The following ARID1B variants were observed in gnomAD, a reference collection of about 807,000 sequenced individuals.
ARID1B encodes the protein AT-rich interactive domain-containing protein 1B.
Under a neutral mutation model 212.3 loss-of-function variants are expected in ARID1B, and 30 were observed. The observed-to-expected ratio is 0.14, with a 90% CI of 0.11 to 0.19. The LOEUF (loss-of-function observed/expected upper bound fraction) is 0.19. Ranked by LOEUF, ARID1B falls within the 10% of genes least tolerant of loss-of-function variation. ARID1B has a pLI of 1.00. For synonymous variants in ARID1B, 1,402 were observed against 1,301.7 expected (o/e 1.08, Z -1.66); for missense variants, 2,891 against 3,204.0 (o/e 0.90, Z 2.36).
chr6:157,084,545 G>T, intron 4 of ARID1B, 117 bp from the exon 5 acceptor site: 1 of 1,314,754 alleles, frequency 7.6e-7, no homozygotes, highest in Middle Eastern at 2.2e-4. Context: ...TTTATTTTGG[G>T]TGTTACCCAG....
chr6:157,009,453 T>C (rs924080608), intron 4 of ARID1B, among the ~76,000 whole-genome samples: 1 of 152,194 alleles, frequency 6.6e-6, no homozygotes, highest in Middle Eastern at 3.2e-3. Flanking sequence ...GTGATAGTAC[T>C]GAATATGGAA....
Position 157,208,024 on chromosome 6 carries a change from A to G in ARID1B, c.*133A>G. The G allele has an allele frequency of 1.1e-6, 1 of 925,040 alleles. No individual in the cohort carries two copies. Among genetic ancestry groups the G allele is most frequent in the Non-Finnish European group, 1.5e-6 (1 of 674,638 alleles). The allele number at this position is 925,040 out of a possible 1,614,324, so 57.3% of individuals were successfully genotyped here. ...TGCTCCTCTGCCCCATTCACTATTT[A>G]CCAATTGGGAATTAAAGAAATAATT... On this transcript the variant is annotated 3_prime_UTR_variant, in exon 20 of 20. Transcript: ENST00000636930.
intron 9 of ARID1B, chr6:157,168,311 A>C (rs1052116756): frequency 1.3e-5 from 2 of 152,236 alleles, no homozygotes; most frequent in African/African-American, 4.8e-5. Flanking sequence ...AACTAGTGGT[A>C]AAAATGAAGG....
chr6:156,784,951 G>T (rs911983398), intron 1 of ARID1B, among the ~76,000 whole-genome samples: 4 of 152,074 alleles, frequency 2.6e-5, no homozygotes, highest in South Asian at 2.1e-4. Flanking sequence ...GTAGAGATGG[G>T]GTTTCGCCAT....
At chr6:156,803,147 G>C (rs999903132) in intron 1 of ARID1B, among the ~76,000 whole-genome samples, 1 of 151,920 alleles carries the variant, frequency 6.6e-6, no homozygotes, top group African/African-American at 2.4e-5. Flanking sequence ...TCCAAGCAAC[G>C]ATGTTTTCTT....
At chr6:157,122,496 A>G (rs1183057686) in intron 6 of ARID1B, among the ~76,000 whole-genome samples, 1 of 152,232 alleles carries the variant, frequency 6.6e-6, no homozygotes, top group Non-Finnish European at 1.5e-5. Flanking sequence ...CATTATCTAA[A>G]TTAACACCAT....
intron 7 of ARID1B, among the ~76,000 whole-genome samples, chr6:157,142,609 G>A (rs1332499144): frequency 1.3e-5 from 2 of 152,110 alleles, no homozygotes; most frequent in Non-Finnish European, 2.9e-5. Flanking sequence ...CTGGATGACA[G>A]AGCAAGACTC....
At chr6:157,090,009 A>G (rs17279589) in intron 5 of ARID1B, among the ~76,000 whole-genome samples, 28,175 of 152,184 alleles carry the variant, frequency 0.19, 2,938 homozygotes, top group Non-Finnish European at 0.25. Context: ...CCCCTAATGC[A>G]TGGTGGAAGC....
rs284415 is a variant in ARID1B at position 156,959,825 on chromosome 6, G to A, written c.2247+24249G>A. 9.3e-3 allele frequency among the ~76,000 whole-genome samples: 1,409 copies of A among 152,154 alleles called. 15 individuals are homozygous for A. The highest frequency in any genetic ancestry group is 0.017 in the South Asian group (83 of 4,814). ...TGCCTTTCGATCCGTGGTGGCAGGCGGGAGGTCTGCACACCAGGCTGCTCT... is the reference window on the plus strand; with the variant it reads ...TGCCTTTCGATCCGTGGTGGCAGGCAGGAGGTCTGCACACCAGGCTGCTCT... On this transcript the variant is annotated intron_variant, in intron 4 of 19. Transcript: ENST00000636930.
At chr6:157,062,705 TA>T (rs200431189) in intron 4 of ARID1B, among the ~76,000 whole-genome samples, 4,855 of 125,558 alleles carry the variant, frequency 0.039, 109 homozygotes, top group African/African-American at 0.076. Flanking sequence ...TATATATATA[TA>T]TTTTTTTTTT....
At chr6:157,151,529 T>G (rs1299945236) in intron 8 of ARID1B, 1 of 152,222 alleles carries the variant, frequency 6.6e-6, no homozygotes, top group Non-Finnish European at 1.5e-5. Flanking sequence ...AACACAGTGT[T>G]GCCATATTAT....
chr6:157,070,078 G>A (rs1279632913), intron 4 of ARID1B, among the ~76,000 whole-genome samples: 1 of 152,038 alleles, frequency 6.6e-6, no homozygotes, highest in African/African-American at 2.4e-5. Flanking sequence ...AGGAAATATG[G>A]CAAAATGTTA....
intron 6 of ARID1B, among the ~76,000 whole-genome samples, chr6:157,115,818 A>G (rs923593674): frequency 2.6e-5 from 4 of 152,208 alleles, no homozygotes; most frequent in Non-Finnish European, 5.9e-5. Flanking sequence ...AAAAACAGTA[A>G]AAACCTCAGT....
intron 5 of ARID1B, 39 bp from the exon 6 acceptor site, chr6:157,110,433 G>T (rs763061370): frequency 2.3e-5 from 37 of 1,585,032 alleles, no homozygotes; most frequent in Non-Finnish European, 2.6e-6. Context: ...TTAATGCAAA[G>T]GGTTCCCCCA....
In ARID1B at chr6:156,956,427, G is replaced by A. The variant is rs574213051; in HGVS notation, c.2247+20851G>A. On this transcript the variant is annotated intron_variant, in intron 4 of 19. Coordinates refer to ENST00000636930, the MANE Select transcript of ARID1B (RefSeq NM_001374828.1). Reference sequence around the variant, plus strand: ...ACTGGAAAAAAATTGCTTCAGACCAGTGCTGGTAGCAGTGGAGTGGCAGAT... The same window carrying A: ...ACTGGAAAAAAATTGCTTCAGACCAATGCTGGTAGCAGTGGAGTGGCAGAT... Among the ~76,000 whole-genome samples the A allele has an allele frequency of 9.2e-5, 14 of 152,270 alleles. No homozygotes were observed. The South Asian group carries it at 2.9e-3, about 32-fold the overall frequency.
intron 4 of ARID1B, among the ~76,000 whole-genome samples, chr6:157,008,107 T>A (rs1451509822): frequency 6.6e-6 from 1 of 152,118 alleles, no homozygotes; most frequent in East Asian, 1.9e-4. Flanking sequence ...TTACTTTCCC[T>A]CTCTTCCTCC....
At chr6:157,146,394 C>T (rs1473963202) in intron 7 of ARID1B, among the ~76,000 whole-genome samples, 1 of 152,182 alleles carries the variant, frequency 6.6e-6, no homozygotes, top group African/African-American at 2.4e-5. Context: ...TGCAGAGGCT[C>T]ACCCAGCTGC....
Position 157,060,573 on chromosome 6 carries a change from CAT to C in ARID1B, c.2248-24085_2248-24084del, listed in dbSNP as rs371685858. On this transcript the variant is annotated intron_variant, in intron 4 of 19. Coordinates refer to ENST00000636930, the MANE Select transcript of ARID1B (RefSeq NM_001374828.1). ...AACCACAAAGTTTCAATCTGGTTAA[CAT>C]ATAGATTTAAACTTATTTTGAAAGC... Among the ~76,000 whole-genome samples, 80 of 141,870 alleles carry C rather than the reference CAT, an allele frequency of 5.6e-4. No homozygotes were observed. In the East Asian group the frequency reaches 0.013, roughly 24 times the overall value. The allele number at this position is 141,870 out of a possible 152,430, so 93.1% of individuals were successfully genotyped here.
intron 3 of ARID1B, among the ~76,000 whole-genome samples, chr6:156,926,732 G>A (rs538637553): frequency 2.6e-5 from 4 of 152,168 alleles, no homozygotes; most frequent in African/African-American, 9.6e-5. Context: ...GCCCAGGCTC[G>A]GGTGCAGTGG....
Sources: allele counts gnomAD v4.1 joint callset (sites outside exome capture counted in the v4.1 genomes callset), GRCh38; gene constraint gnomAD v4.1.1; transcripts MANE v1.5; gene names NCBI Gene and HGNC (gene_info 2026-07-23, HGNC 2026-07-21).